The following SPG7 variants were observed in gnomAD, a reference collection of about 807,000 sequenced individuals.
SPG7 encodes the protein SPG7 matrix AAA peptidase subunit, paraplegin.
Under a neutral mutation model 81.9 loss-of-function variants are expected in SPG7, and 103 were observed. The observed-to-expected ratio is 1.26, with a 90% CI of 1.07 to 1.48. SPG7 has a LOEUF of 1.48. SPG7 is among the 40% of genes most tolerant of loss of function. The pLI is 0.00. For synonymous variants in SPG7, 534 were observed against 444.2 expected (o/e 1.20, Z -2.54); for missense variants, 1,241 against 1,087.3 (o/e 1.14, Z -1.99).
chr16:89,513,036 A>C lies in SPG7; in HGVS notation c.375A>C (p.Glu125Asp), dbSNP rs1377800090. The change falls in exon 3 of 17, where the codon GAA (glutamate) becomes GAC (aspartate). Residue 125 changes from glutamate (E) to aspartate (D), a missense_variant and splice_region_variant. Coordinates refer to ENST00000645818, the MANE Select transcript of SPG7 (RefSeq NM_003119.4). The stretch of plus-strand genomic sequence containing the variant: ...AGGGGAAGGCGCCTGAAGAGGACGA[A>C]GGTATATTCATCTGATGTTCTTCAG... ...KSKGKAPEED[E>D]EERRRRERDD... 6.2e-6 allele frequency: 10 copies of C among 1,604,706 alleles called. No individual in the cohort carries two copies. The Admixed American group carries it at 8.6e-5, about 14-fold the overall frequency.
intron 3 of SPG7, chr16:89,521,703 A>G (rs1039454076): frequency 2.6e-5 from 4 of 152,270 alleles, no homozygotes; most frequent in African/African-American, 9.6e-5. Flanking sequence ...AGATATGCTC[A>G]TGAAGCACTG....
At chr16:89,521,523 A>ACCTGAG (rs1461850373) in intron 3 of SPG7, 1 of 152,214 alleles carries the variant, frequency 6.6e-6, no homozygotes, top group African/African-American at 2.4e-5. Context: ...TGGGAGAATC[A>ACCTGAG]CCTGAGCTCA....
In SPG7 at chr16:89,530,865, C is replaced by T. The variant is rs112188712; in HGVS notation, c.987+57C>T. ...GAGCAGAGGCCGGCCGTCCTCCTCT[C>T]CCAGAAGGGCTCCTGCGGGACCTGG... On this transcript the variant is annotated intron_variant, in intron 7 of 16. Coordinates refer to ENST00000645818, the MANE Select transcript of SPG7 (RefSeq NM_003119.4). The T allele has an allele frequency of 2.2e-3, 3,546 of 1,610,300 alleles. 71 individuals carry two copies. In the African/African-American group the frequency reaches 0.04, roughly 18 times the overall value.
At chr16:89,536,538 T>TGAGG (rs1486997923) in intron 9 of SPG7, among the ~76,000 whole-genome samples, 5 of 107,382 alleles carry the variant, frequency 4.7e-5, no homozygotes, top group African/African-American at 1.8e-4. Flanking sequence ...GCGGGTGAGG[T>TGAGG]CAGGTGAGGC....
At chr16:89,549,276 T>G in intron 12 of SPG7, 1 of 456,008 alleles carries the variant, frequency 2.2e-6, no homozygotes, top group Non-Finnish European at 4.4e-6. Context: ...TGATTCAAGT[T>G]GTACAGAATG....
chr16:89,536,936 C>T, intron 9 of SPG7: 2 of 1,614,172 alleles, frequency 1.2e-6, no homozygotes, highest in African/African-American at 1.3e-5. Flanking sequence ...TTTTGAGTGA[C>T]TTGAGCCCAA....
At position 89,555,565 on chromosome 16, in the gene SPG7, G is replaced by C. The variant is rs148049211; in HGVS notation, c.2181+1002G>C. Reference sequence around the variant, plus strand: ...TCTCCCCAGTGTCCTTTCCGGTCTTGGGAGTCCACATGGCGTTTGATCGCC... The same window carrying C: ...TCTCCCCAGTGTCCTTTCCGGTCTTCGGAGTCCACATGGCGTTTGATCGCC... On this transcript the variant is annotated intron_variant, in intron 16 of 16. Transcript: ENST00000645818. 2.2e-3 allele frequency: 565 copies of C among 252,522 alleles called. 4 individuals carry two copies. The highest frequency in any genetic ancestry group is 0.012 in the African/African-American group (536 of 44,934). 15.6% of individuals were successfully genotyped at this position (252,522 alleles called of 1,614,324 possible).
rs114374156 is a variant in SPG7 at position 89,526,101 on chromosome 16, C to T, written c.619-228C>T. ...GGGGCTCACTGGGAGGTAGCCCCAT[C>T]GTAGGTCAAGGAGCTTAGTGTGCAT... On this transcript the variant is annotated intron_variant, in intron 4 of 16. Transcript: ENST00000645818. Among the ~76,000 whole-genome samples, 1,037 of 152,224 alleles carry T rather than the reference C, an allele frequency of 6.8e-3. 16 individuals are homozygous for T. The highest frequency in any genetic ancestry group is 0.023 in the African/African-American group (964 of 41,504).
intron 9 of SPG7, chr16:89,537,142 G>A: frequency 1.4e-6 from 2 of 1,460,830 alleles, no homozygotes; most frequent in East Asian, 2.5e-5. Context: ...TCCCAGGCCA[G>A]GCTTTGTTGC....
In SPG7 at chr16:89,508,528, C is replaced by A; in HGVS notation, c.111C>A (p.Pro37=). The A allele has an allele frequency of 1.3e-6, 2 of 1,513,032 alleles. No individual in the cohort carries two copies. Among genetic ancestry groups the A allele is most frequent in the Admixed American group, 2.0e-5 (1 of 48,816 alleles). The allele number at this position is 1,513,032 out of a possible 1,614,324, so 93.7% of individuals were successfully genotyped here. The stretch of plus-strand genomic sequence containing the variant: ...GGAGTCCAGGGTTCCCCGCCAGGCC[C>A]GGGAGGGGGCGGCCGTACATGGCCA... ...PAWSPGFPAR[P]GRGRPYMASR... is the part of the protein sequence containing the mutation. The change falls in exon 1 of 17, where the codon CCC becomes CCA. Residue 37 remains proline (P), a synonymous_variant. Coordinates refer to ENST00000645818, the MANE Select transcript of SPG7 (RefSeq NM_003119.4).
chr16:89,554,241 G>A (rs2058665508), intron 15 of SPG7, among the ~76,000 whole-genome samples: 1 of 152,078 alleles, frequency 6.6e-6, no homozygotes. Context: ...CCTTCAGACT[G>A]GGCCAGGAAG....
At chr16:89,541,995 C>T (rs2058502223) in intron 9 of SPG7, 1 of 150,996 alleles carries the variant, frequency 6.6e-6, no homozygotes, top group Non-Finnish European at 1.5e-5. Flanking sequence ...ACATAGCGGC[C>T]CGGGGGGAGC....
chr16:89,509,099 T>G, intron 1 of SPG7: 1 of 399,628 alleles, frequency 2.5e-6, no homozygotes, highest in South Asian at 1.8e-5. Context: ...ATACAGTCAT[T>G]GAGCACCCCC....
chr16:89,545,758 T>C (rs1412593683), intron 10 of SPG7: 4 of 320,932 alleles, frequency 1.2e-5, no homozygotes, highest in Admixed American at 4.2e-5. Context: ...GCATGGAACA[T>C]GTGTGGGAAT....
chr16:89,531,531 G>A (rs2058342467), intron 7 of SPG7: 1 of 315,282 alleles, frequency 3.2e-6, no homozygotes, highest in African/African-American at 2.2e-5. Flanking sequence ...CCACCACCAT[G>A]CACGGCTAAT....
In SPG7 at chr16:89,550,569, TG is replaced by T. The variant is rs1392849996; in HGVS notation, c.1741del (p.Val581TrpfsTer11). 1.2e-6 allele frequency: 2 copies of T among 1,613,968 alleles called. No homozygotes were observed. Among genetic ancestry groups the T allele is most frequent in the South Asian group, 2.2e-5 (2 of 91,090 alleles). ...GCGTTTCATGAGTCGGGCCACGCCT[TG>T]GTGGGCTGGATGCTGGAGCACACGG... Reference protein sequence around the residue: ...VVAFHESGHALVGWMLEHTEA... With the variant: ...VVAFHESGHAXVGWMLEHTEA... On this transcript the variant is annotated frameshift_variant, in exon 13 of 17. Transcript: ENST00000645818. LOFTEE classifies it high-confidence loss of function.
intron 3 of SPG7, chr16:89,522,462 G>A (rs1484586942): frequency 6.6e-6 from 1 of 152,130 alleles, no homozygotes; most frequent in South Asian, 2.1e-4. Flanking sequence ...CGCAGGCGCA[G>A]GTGTTCTGGA....
chr16:89,530,523 A>G (rs886876827), intron 6 of SPG7, 160 bp from the exon 7 acceptor site: 11 of 798,910 alleles, frequency 1.4e-5, no homozygotes, highest in Non-Finnish European at 2.2e-5. Context: ...GTGCTTGAAG[A>G]CTGACTGTGA....
chr16:89,516,212 T>G (rs2058094273), intron 3 of SPG7, among the ~76,000 whole-genome samples: 1 of 151,790 alleles, frequency 6.6e-6, no homozygotes, highest in Admixed American at 6.6e-5. Context: ...AGTCTCAAAC[T>G]TCTCACCTCA....
Sources: gnomAD v4.1 joint callset for allele counts (sites outside exome capture counted in the v4.1 genomes callset) on GRCh38, gnomAD v4.1.1 for gene constraint, MANE v1.5 for transcripts, NCBI Gene and HGNC (gene_info 2026-07-23, HGNC 2026-07-21) for gene names.